The following CRYBG2 variants were observed in gnomAD, a reference collection of about 807,000 sequenced individuals.
CRYBG2 encodes the protein crystallin beta-gamma domain containing 2.
Under a neutral mutation model 153.4 loss-of-function variants are expected in CRYBG2, and 106 were observed. The ratio of observed to expected loss-of-function variants is 0.69; its 90% CI spans 0.59 to 0.81. The LOEUF (loss-of-function observed/expected upper bound fraction) is 0.81, where lower values mean the gene tolerates loss of function less well. Among genes scored for constraint, CRYBG2 ranks in the 30% least tolerant of loss-of-function variants. CRYBG2 has a pLI of 0.00. For synonymous variants in CRYBG2, 851 were observed against 877.8 expected, an observed-to-expected ratio of 0.97 and a Z score of 0.54; for missense variants, 1,996 against 2,112.0, an observed-to-expected ratio of 0.95 and a Z score of 1.08.
intron 17 of CRYBG2, 70 bp from the exon 18 acceptor site, chr1:26,324,380 C>T (rs768032785): frequency 1.2e-4 from 173 of 1,465,948 alleles, no homozygotes; most frequent in Non-Finnish European, 1.5e-4. Flanking sequence ...GTACCCTCAA[C>T]TCTGGACTCT....
intron 1 of CRYBG2, among the ~76,000 whole-genome samples, chr1:26,353,295 A>G (rs985755032): frequency 2.6e-5 from 4 of 152,204 alleles, no homozygotes; most frequent in African/African-American, 9.6e-5. Flanking sequence ...CATCATCCTT[A>G]AGCACCCTTC....
chr1:26,335,844 G>A (rs938223349), intron 14 of CRYBG2, among the ~76,000 whole-genome samples: 1 of 152,078 alleles, frequency 6.6e-6, no homozygotes, highest in African/African-American at 2.4e-5. Context: ...ATTTTACGTT[G>A]GGTCAGGGAT....
Position 26,336,020 on chromosome 1 carries a change from C to A in CRYBG2, c.4184+75G>T. On this transcript the variant is annotated intron_variant, in intron 14 of 19. Coordinates refer to ENST00000308182, the MANE Select transcript of CRYBG2 (RefSeq NM_001039775.4). This position sits in a 1 kb window ranked among gnomAD's most constrained non-coding sequence, Gnocchi z 4.9. ...CGCAAGGTAGCCAAAGGAAGGAAATCATTTGAAAGACTCTCCTCCTGCAGC... is the reference window on the plus strand; with the variant it reads ...CGCAAGGTAGCCAAAGGAAGGAAATAATTTGAAAGACTCTCCTCCTGCAGC... 1 of 1,226,530 alleles carries A rather than the reference C, an allele frequency of 8.2e-7. No homozygotes were observed. The highest frequency in any genetic ancestry group is 1.1e-6 in the Non-Finnish European group (1 of 901,750). 76.0% of individuals were successfully genotyped at this position (1,226,530 alleles called of 1,614,324 possible). A position where few individuals can be genotyped will look rare whatever the true frequency, so the allele number is the denominator to read the frequency against.
At position 26,338,436 on chromosome 1, in the gene CRYBG2, T is replaced by A. The variant is rs941283929; in HGVS notation, c.3386A>T (p.Tyr1129Phe). 4 of 1,613,140 alleles carry A rather than the reference T, an allele frequency of 2.5e-6. No homozygotes were observed. Among genetic ancestry groups the A allele is most frequent in the Non-Finnish European group, 3.4e-6 (4 of 1,179,590 alleles). Residue 1129 changes from tyrosine (Y) to phenylalanine (F), a missense_variant, in exon 7 of 20, where the codon TAC (tyrosine) becomes TTC (phenylalanine). Tyr to Phe is a conservative substitution (Grantham distance 22). Coordinates refer to ENST00000308182, the MANE Select transcript of CRYBG2 (RefSeq NM_001039775.4). ...GGGGTACTCTCCAGGTTCCAGGATG[T>A]AGGGAGTGTCTTCGAATAATGGTTT... ...YPKPLFEDTPYILEPGEYPTS... is the reference protein window; with the variant it reads ...YPKPLFEDTPFILEPGEYPTS...
intron 14 of CRYBG2, 121 bp downstream of exon 14, chr1:26,335,974 G>A (rs2074048256): frequency 5.4e-6 from 4 of 739,010 alleles, no homozygotes; most frequent in Non-Finnish European, 8.3e-6. Flanking sequence ...TTTTAAAATT[G>A]CGCAAGACAG....
At chr1:26,328,566 G>A in intron 16 of CRYBG2, 168 bp downstream of exon 16, 3 of 1,182,674 alleles carry the variant, frequency 2.5e-6, no homozygotes, top group South Asian at 1.5e-5. Context: ...TCTAAGCCCT[G>A]AGAGCCAGTG....
intron 1 of CRYBG2, among the ~76,000 whole-genome samples, chr1:26,351,770 A>C (rs1320818954): frequency 6.6e-6 from 1 of 151,974 alleles, no homozygotes; most frequent in Non-Finnish European, 1.5e-5. Context: ...GGAGGTCACC[A>C]CTCGACAGTT....
Position 26,345,513 on chromosome 1 carries a change from C to G in CRYBG2, c.1145G>C (p.Arg382Pro). ...AGGGGGCAGAACAAGGGGAGTGAGCCGGGCCCCGGGGTGAGTGGGCACCAC... is the reference window on the plus strand; with the variant it reads ...AGGGGGCAGAACAAGGGGAGTGAGCGGGGCCCCGGGGTGAGTGGGCACCAC... ...QPVVPTHPGARLTPLVLPPKK... is the reference protein window; with the variant it reads ...QPVVPTHPGAPLTPLVLPPKK... Residue 382 changes from arginine to proline, a missense_variant, in exon 2 of 20, where the codon CGG (arginine) becomes CCG (proline). Physicochemically the swap from Arg to Pro is moderately radical, Grantham distance 103. Transcript: ENST00000308182. 1 of 1,594,198 alleles carries G rather than the reference C, an allele frequency of 6.3e-7. No individual in the cohort carries two copies. The highest frequency in any genetic ancestry group is 8.6e-7 in the Non-Finnish European group (1 of 1,168,974).
rs368774557 is a variant in CRYBG2 at position 26,345,591 on chromosome 1, C to T, written c.1067G>A (p.Arg356Lys). The T allele has an allele frequency of 7.9e-5, 127 of 1,602,134 alleles. No homozygotes were observed. The highest frequency in any genetic ancestry group is 9.7e-5 in the Non-Finnish European group (115 of 1,179,684). Residue 356 changes from arginine (R) to lysine (K), a missense_variant, in exon 2 of 20, where the codon AGA becomes AAA. Transcript: ENST00000308182. The part of the protein sequence containing the change: ...QGQASVPSSP[R>K]LETHVPSPGL... ...AGGAGAGGGGACATGGGTCTCGAGT[C>T]TGGGAGAGGAGGGGACTGATGCTTG... is the stretch of plus-strand genomic sequence containing the variant.
At chr1:26,341,182 CA>C (rs1022109544) in intron 5 of CRYBG2, among the ~76,000 whole-genome samples, 3 of 149,898 alleles carry the variant, frequency 2.0e-5, no homozygotes, top group Middle Eastern at 3.2e-3. Context: ...GCTAAAAATA[CA>C]AAAAAAAATT....
intron 1 of CRYBG2, among the ~76,000 whole-genome samples, chr1:26,348,434 G>A (rs6678644): frequency 0.2 from 29,790 of 151,906 alleles, 2,966 homozygotes; most frequent in South Asian, 0.23. Context: ...GGTGGTGTGT[G>A]CCTGTAGCCC....
intron 8 of CRYBG2, 98 bp downstream of exon 8, chr1:26,337,914 G>C: frequency 2.7e-6 from 4 of 1,487,784 alleles, no homozygotes; most frequent in Non-Finnish European, 3.6e-6. Context: ...CTGGCCCCCA[G>C]TGCCCTCCTC....
chr1:26,345,412 G>A lies in CRYBG2; in HGVS notation c.1246C>T (p.Pro416Ser). 6.2e-7 allele frequency: 1 copy of A among 1,611,470 alleles called. No homozygotes were observed. Residue 416 changes from proline (P) to serine (S), a missense_variant, in exon 2 of 20, where the codon CCT (proline) becomes TCT (serine). Coordinates refer to ENST00000308182, the MANE Select transcript of CRYBG2 (RefSeq NM_001039775.4). ...PMVRSEHVTV[P>S]GQPPAPSTTR... ...GTGGATGGAGCAGGAGGTTGTCCAG[G>A]GACTGTCACATGCTCGCTCCTCACC...
At position 26,339,418 on chromosome 1, in the gene CRYBG2, G is replaced by C; in HGVS notation, c.3216C>G (p.Thr1072=). 1 of 1,614,080 alleles carries C rather than the reference G, an allele frequency of 6.2e-7. No individual in the cohort carries two copies. The highest frequency in any genetic ancestry group is 8.5e-7 in the Non-Finnish European group (1 of 1,180,032). ...SLRRVVWDYS[T]PEISLFSEEG... ...CCTCAGAGAAGAGGCTGATTTCCGG[G>C]GTGCTGTAGTCCTGTGGAAGGAGGG... The change falls in exon 6 of 20, where the codon ACC becomes ACG. Residue 1072 remains threonine (T), a synonymous_variant. Transcript: ENST00000308182.
intron 14 of CRYBG2, among the ~76,000 whole-genome samples, chr1:26,332,340 G>A (rs1310826667): frequency 1.3e-5 from 2 of 150,896 alleles, no homozygotes; most frequent in Non-Finnish European, 3.0e-5. Flanking sequence ...AAAAAGTGGA[G>A]TATAATGCAG....
Position 26,336,321 on chromosome 1 carries a change from CG to C in CRYBG2, c.4071+16del, listed in dbSNP as rs1406320631. The C allele has an allele frequency of 1.9e-6, 3 of 1,613,090 alleles. No homozygotes were observed. The South Asian group carries it at 3.3e-5, about 18-fold the overall frequency. ...GAGACGTGAGCCCAGCGGCTCCCTG[CG>C]GAGTCCCTGCCTTACCTTTGAGACG... On this transcript the variant is annotated intron_variant, in intron 13 of 19. Transcript: ENST00000308182. This position sits in a 1 kb window ranked among gnomAD's most constrained non-coding sequence, Gnocchi z 4.9.
rs1171056567 is a variant in CRYBG2 at position 26,344,354 on chromosome 1, C to G, written c.2304G>C (p.Leu768=). 6.6e-7 allele frequency: 1 copy of G among 1,507,696 alleles called. No individual in the cohort carries two copies. The highest frequency in any genetic ancestry group is 8.9e-7 in the Non-Finnish European group (1 of 1,125,474). The allele number at this position is 1,507,696 out of a possible 1,614,324, so 93.4% of individuals were successfully genotyped here. ...GGGGCTCCATGCTCCGCAGCGTATC[C>G]AGGAATATCTCCAGGTCAGCGGCCA... ...VALAADLEIF[L]DTLRSMEPPE... is the part of the protein sequence containing the mutation. Residue 768 remains leucine (L), a synonymous_variant, in exon 2 of 20, where the codon CTG becomes CTC. Transcript: ENST00000308182.
chr1:26,343,389 T>G lies in CRYBG2; in HGVS notation c.2914-96A>C. On this transcript the variant is annotated intron_variant, in intron 2 of 19. Transcript: ENST00000308182. This position sits in a 1 kb window ranked among gnomAD's most constrained non-coding sequence, Gnocchi z 4.1. The stretch of plus-strand genomic sequence containing the variant: ...TCCAAGGATCCCACATCCTCCCTAT[T>G]AACCTCCACCCGCAAGGAGCTGGCG... 1.4e-6 allele frequency: 2 copies of G among 1,388,760 alleles called. No homozygotes were observed. Among genetic ancestry groups the G allele is most frequent in the Non-Finnish European group, 2.0e-6 (2 of 1,001,388 alleles). The allele number at this position is 1,388,760 out of a possible 1,614,324, so 86.0% of individuals were successfully genotyped here.
Position 26,346,121 on chromosome 1 carries a change from C to A in CRYBG2, c.537G>T (p.Arg179=), listed in dbSNP as rs764057371. The A allele has an allele frequency of 3.8e-6, 6 of 1,565,130 alleles. No individual in the cohort carries two copies. Among genetic ancestry groups the A allele is most frequent in the East Asian group, 4.5e-5 (2 of 44,406 alleles). ...LEEYRVTRTV[R]TTTVVGGHVD... ...CATGACCTCCCACCACTGTGGTGGTCCGCACAGTGCGTGTCACTCGGTATT... is the reference window on the plus strand; with the variant it reads ...CATGACCTCCCACCACTGTGGTGGTACGCACAGTGCGTGTCACTCGGTATT... Residue 179 remains arginine, a synonymous_variant, in exon 2 of 20, where the codon CGG becomes CGT. Coordinates refer to ENST00000308182, the MANE Select transcript of CRYBG2 (RefSeq NM_001039775.4). The surrounding 1 kb of genome is among the most constrained non-coding windows in gnomAD (Gnocchi z 4.9).
Sources: allele counts gnomAD v4.1 joint callset (sites outside exome capture counted in the v4.1 genomes callset), GRCh38; gene constraint gnomAD v4.1.1; non-coding constraint Gnocchi (gnomAD v3.1); transcripts MANE v1.5; gene names NCBI Gene and HGNC (gene_info 2026-07-23, HGNC 2026-07-21).